The following PDE3A variants were observed in gnomAD, a reference collection of about 807,000 sequenced individuals.
PDE3A encodes the protein phosphodiesterase 3A.
PDE3A carries 43 observed loss-of-function variants against 98.3 expected under a neutral mutation model. That is an observed-to-expected ratio of 0.44 (90% confidence interval 0.34 to 0.56). PDE3A has a LOEUF of 0.56. Among genes scored for constraint, PDE3A ranks in the 20% least tolerant of loss-of-function variants. The pLI is 0.01. For missense variants in PDE3A, 1,427 were observed against 1,440.7 expected (o/e 0.99, Z 0.15); for synonymous variants, 663 against 567.9 (o/e 1.17, Z -2.38).
chr12:20,611,510 C>A (rs1330869509), intron 2 of PDE3A, among the ~76,000 whole-genome samples: 1 of 151,740 alleles, frequency 6.6e-6, no homozygotes, highest in Non-Finnish European at 1.5e-5. Flanking sequence ...CACTTTCCAC[C>A]TGTCTGATTT....
chr12:20,416,719 C>A (rs1412058988), intron 1 of PDE3A, among the ~76,000 whole-genome samples: 1 of 152,142 alleles, frequency 6.6e-6, no homozygotes, highest in South Asian at 2.1e-4. Flanking sequence ...CAGAAGGCAA[C>A]CTATCTGATT....
At chr12:20,586,281 A>G (rs996000298) in intron 2 of PDE3A, among the ~76,000 whole-genome samples, 3 of 152,170 alleles carry the variant, frequency 2.0e-5, no homozygotes, top group Non-Finnish European at 4.4e-5. Flanking sequence ...TTTAGATATG[A>G]CACCCTCCCC....
chr12:20,425,311 T>C (rs895481004), intron 1 of PDE3A, among the ~76,000 whole-genome samples: 1 of 152,176 alleles, frequency 6.6e-6, no homozygotes, highest in Non-Finnish European at 1.5e-5. Context: ...TTTTATTTTT[T>C]TCATCATATA....
At chr12:20,631,700 A>ATTTTT (rs58133440) in intron 6 of PDE3A, among the ~76,000 whole-genome samples, 3,926 of 116,744 alleles carry the variant, frequency 0.034, 105 homozygotes, top group Admixed American at 0.066. Flanking sequence ...ATCATAGTGT[A>ATTTTT]TTTTTTTTTT....
chr12:20,486,615 C>A (rs1177130406), intron 1 of PDE3A, among the ~76,000 whole-genome samples: 3 of 152,152 alleles, frequency 2.0e-5, no homozygotes, highest in African/African-American at 7.2e-5. Flanking sequence ...ATGTGGTTCA[C>A]CTAATCCAAG....
intron 15 of PDE3A, among the ~76,000 whole-genome samples, chr12:20,667,695 G>A (rs1051974684): frequency 3.3e-5 from 5 of 152,262 alleles, no homozygotes; most frequent in African/African-American, 1.2e-4. Context: ...TTGAAGTCAG[G>A]TAGTGTGGTG....
At chr12:20,382,366 T>C (rs747724935) in intron 1 of PDE3A, among the ~76,000 whole-genome samples, 3 of 151,872 alleles carry the variant, frequency 2.0e-5, no homozygotes, top group Non-Finnish European at 2.9e-5. Context: ...GTCAGTATCA[T>C]GGGGAAAAAC....
chr12:20,513,401 G>A (rs1302769937), intron 1 of PDE3A, among the ~76,000 whole-genome samples: 1 of 152,076 alleles, frequency 6.6e-6, no homozygotes, highest in Admixed American at 6.6e-5. Context: ...ATTTGTTTTT[G>A]AAAGGCAGAA....
chr12:20,416,220 G>A (rs1260695058), intron 1 of PDE3A, among the ~76,000 whole-genome samples: 5 of 152,162 alleles, frequency 3.3e-5, no homozygotes, highest in African/African-American at 4.8e-5. Context: ...AAGCATATGT[G>A]ACTTTAAAAA....
intron 1 of PDE3A, among the ~76,000 whole-genome samples, chr12:20,480,986 C>T (rs1160178818): frequency 2.0e-5 from 3 of 152,162 alleles, no homozygotes; most frequent in East Asian, 3.8e-4. Context: ...TGATGTTCAT[C>T]AATTGTGGTG....
chr12:20,470,689 A>T (rs939253765), intron 1 of PDE3A, among the ~76,000 whole-genome samples: 1 of 152,168 alleles, frequency 6.6e-6, no homozygotes, highest in Non-Finnish European at 1.5e-5. Context: ...GGAATTATGA[A>T]TCTGTATGCA....
intron 1 of PDE3A, among the ~76,000 whole-genome samples, chr12:20,540,030 G>T (rs1265797716): frequency 6.6e-6 from 1 of 152,122 alleles, no homozygotes; most frequent in Non-Finnish European, 1.5e-5. Context: ...TAACCACTGT[G>T]CAATGTTGTA....
chr12:20,478,902 T>C (rs1945576011), intron 1 of PDE3A, among the ~76,000 whole-genome samples: 1 of 152,232 alleles, frequency 6.6e-6, no homozygotes, highest in South Asian at 2.1e-4. Flanking sequence ...TTGAAATGTC[T>C]ACCAGCCTTC....
chr12:20,633,701 G>C lies in PDE3A; in HGVS notation c.1769G>C (p.Arg590Thr). Residue 590 changes from arginine (R) to threonine (T), a missense_variant, in exon 7 of 16, where the codon AGA becomes ACA. Physicochemically the swap from Arg to Thr is moderately conservative, Grantham distance 71. Coordinates refer to ENST00000359062, the MANE Select transcript of PDE3A (RefSeq NM_000921.5). ...TPPVICSSCGRPYSQGNPADE... is the reference protein window; with the variant it reads ...TPPVICSSCGTPYSQGNPADE... ...CTTCCAATATTTTTTAGCTGTGGCA[G>C]ACCATATTCCCAAGGGAATCCTGCT... 6.2e-7 allele frequency: 1 copy of C among 1,607,174 alleles called. No homozygotes were observed.
At chr12:20,516,009 G>C (rs1292623882) in intron 1 of PDE3A, among the ~76,000 whole-genome samples, 2 of 151,250 alleles carry the variant, frequency 1.3e-5, no homozygotes, top group East Asian at 1.9e-4. Context: ...TGGGATTACA[G>C]GCGTGAGCCA....
chr12:20,465,608 A>G (rs140791855), intron 1 of PDE3A, among the ~76,000 whole-genome samples: 1,890 of 152,016 alleles, frequency 0.012, 21 homozygotes, highest in Middle Eastern at 0.017. Flanking sequence ...ATGGGGTTTC[A>G]CCATGCTGGC....
In PDE3A at chr12:20,369,398, G is replaced by C. The variant is rs906278008; in HGVS notation, c.114G>C (p.Pro38=). 1 of 1,551,964 alleles carries C rather than the reference G, an allele frequency of 6.4e-7. No individual in the cohort carries two copies. Among genetic ancestry groups the C allele is most frequent in the Middle Eastern group, 1.8e-4 (1 of 5,690 alleles). ...ACCATCGTGCGGACCCCGCATCGCC[G>C]CGGGACTCGGGCTGCCGTGGCTGCT... ...DCHHRADPAS[P]RDSGCRGCWG... Residue 38 remains proline (P), a synonymous_variant, in exon 1 of 16, where the codon CCG becomes CCC. Coordinates refer to ENST00000359062, the MANE Select transcript of PDE3A (RefSeq NM_000921.5).
Position 20,629,980 on chromosome 12 carries a change from T to G in PDE3A, c.1613T>G (p.Leu538Arg). The change falls in exon 6 of 16, where the codon CTG (leucine) becomes CGG (arginine). Residue 538 changes from leucine to arginine, a missense_variant. By Grantham distance (102) the Leu-to-Arg change is moderately radical (BLOSUM62 -2). Around this residue, in one of 3 missense-constraint regions of PDE3A, gnomAD observed 1,012 missense variants for 886.5 expected, o/e 1.14. Transcript: ENST00000359062. ...SPLQGTPASS[L>R]VSKISAVQFP... Reference sequence around the variant, plus strand: ...CTCCAAGGGACTCCTGCCAGCAGCCTGGTCAGCAAAATTTCTGCAGTGCAG... The same window carrying G: ...CTCCAAGGGACTCCTGCCAGCAGCCGGGTCAGCAAAATTTCTGCAGTGCAG... 1 of 1,614,102 alleles carries G rather than the reference T, an allele frequency of 6.2e-7. No individual in the cohort carries two copies. Among genetic ancestry groups the G allele is most frequent in the Non-Finnish European group, 8.5e-7 (1 of 1,179,974 alleles).
At chr12:20,403,035 T>G (rs1944162913) in intron 1 of PDE3A, among the ~76,000 whole-genome samples, 1 of 152,244 alleles carries the variant, frequency 6.6e-6, no homozygotes, top group African/African-American at 2.4e-5. Context: ...TGTCTCATTT[T>G]TCTTTCTCCT....
Sources: gnomAD v4.1 joint callset for allele counts (sites outside exome capture counted in the v4.1 genomes callset) on GRCh38, gnomAD v4.1.1 for gene constraint, gnomAD v4.1.1 regional missense constraint, MANE v1.5 for transcripts, NCBI Gene and HGNC (gene_info 2026-07-23, HGNC 2026-07-21) for gene names.